Variants in HIBADH observed in about 807,000 individuals in gnomAD.
The protein encoded by HIBADH is 3-hydroxyisobutyrate dehydrogenase, mitochondrial.
Under a neutral mutation model 36.1 loss-of-function variants are expected in HIBADH, and 25 were observed. The ratio of observed to expected loss-of-function variants is 0.69; its 90% CI spans 0.50 to 0.97. The LOEUF (loss-of-function observed/expected upper bound fraction) is 0.97, where lower values mean the gene tolerates loss of function less well. HIBADH is among the 50% of genes least tolerant of loss of function. The pLI is 0.00. For synonymous variants in HIBADH, 160 were observed against 149.5 expected, an observed-to-expected ratio of 1.07 and a Z score of -0.51; for missense variants, 421 against 418.0, an observed-to-expected ratio of 1.01 and a Z score of -0.06.
intron 4 of HIBADH, among the ~76,000 whole-genome samples, chr7:27,581,451 C>T (rs936206544): frequency 1.3e-5 from 2 of 152,122 alleles, no homozygotes; most frequent in Non-Finnish European, 2.9e-5. Context: ...ACAGGTACTG[C>T]CATCAACTAT....
chr7:27,585,616 G>A (rs990667615), intron 4 of HIBADH, among the ~76,000 whole-genome samples: 1 of 152,042 alleles, frequency 6.6e-6, no homozygotes, highest in Admixed American at 6.5e-5. Context: ...AAATAATTAG[G>A]AAAAGAATGA....
At chr7:27,651,152 C>T (rs1442493357) in intron 1 of HIBADH, among the ~76,000 whole-genome samples, 1 of 152,196 alleles carries the variant, frequency 6.6e-6, no homozygotes, top group East Asian at 1.9e-4. Flanking sequence ...ACTTAATCTG[C>T]TCTTCCCTGA....
chr7:27,618,657 C>G (rs989559708), intron 4 of HIBADH, among the ~76,000 whole-genome samples: 3 of 151,452 alleles, frequency 2.0e-5, no homozygotes, highest in African/African-American at 7.3e-5. Flanking sequence ...TCTTGCATTG[C>G]TATAAAGAAA....
chr7:27,592,491 T>C lies in HIBADH; in HGVS notation c.484+36880A>G, dbSNP rs1209557187. 2.0e-5 allele frequency among the ~76,000 whole-genome samples: 3 copies of C among 152,206 alleles called. No homozygotes were observed. The East Asian group carries it at 5.8e-4, about 29-fold the overall frequency. On this transcript the variant is annotated intron_variant, in intron 4 of 7. Coordinates refer to ENST00000265395, the MANE Select transcript of HIBADH (RefSeq NM_152740.4). ...TAAAACAAAAAGTACTCAGACCAAC[T>C]TGGTTATTTTTTATCCCAAAAGCCA...
chr7:27,536,217 A>G (rs1784067999), intron 6 of HIBADH, among the ~76,000 whole-genome samples: 2 of 152,138 alleles, frequency 1.3e-5, no homozygotes, highest in South Asian at 4.1e-4. Context: ...AGAAGCATTC[A>G]TTTTTAGGGT....
At chr7:27,593,366 C>G (rs1334136809) in intron 4 of HIBADH, among the ~76,000 whole-genome samples, 1 of 152,166 alleles carries the variant, frequency 6.6e-6, no homozygotes, top group African/African-American at 2.4e-5. Flanking sequence ...TATCAGTTCC[C>G]CCAGACTGTA....
chr7:27,586,657 G>A (rs1226883089), intron 4 of HIBADH, among the ~76,000 whole-genome samples: 1 of 151,410 alleles, frequency 6.6e-6, no homozygotes, highest in Non-Finnish European at 1.5e-5. Flanking sequence ...GAAGAAAAAG[G>A]AGGAGGAGGA....
At chr7:27,635,552 T>G (rs773811337) in intron 2 of HIBADH, among the ~76,000 whole-genome samples, 4 of 152,170 alleles carry the variant, frequency 2.6e-5, no homozygotes, top group African/African-American at 9.6e-5. Flanking sequence ...GGTTCCTATC[T>G]CCAAAGTAAA....
chr7:27,553,157 A>C (rs1784342472), intron 4 of HIBADH, among the ~76,000 whole-genome samples: 1 of 152,218 alleles, frequency 6.6e-6, no homozygotes, highest in South Asian at 2.1e-4. Flanking sequence ...GATTCTTCAA[A>C]ATAGAAAAGT....
At chr7:27,577,429 C>A (rs1372039054) in intron 4 of HIBADH, among the ~76,000 whole-genome samples, 2 of 152,082 alleles carry the variant, frequency 1.3e-5, no homozygotes, top group Non-Finnish European at 2.9e-5. Context: ...TCCCAAAGTG[C>A]TGGGATTACC....
intron 4 of HIBADH, among the ~76,000 whole-genome samples, chr7:27,574,298 G>C (rs1784672478): frequency 1.5e-5 from 1 of 65,134 alleles, no homozygotes; most frequent in African/African-American, 8.1e-5. Flanking sequence ...GATAGCAGGT[G>C]ATTTTTTTTT....
chr7:27,614,272 C>T (rs1354089590), intron 4 of HIBADH, among the ~76,000 whole-genome samples: 1 of 152,162 alleles, frequency 6.6e-6, no homozygotes, highest in Non-Finnish European at 1.5e-5. Context: ...CACAATGGCA[C>T]CTAATATTAC....
intron 2 of HIBADH, among the ~76,000 whole-genome samples, chr7:27,634,988 C>G (rs13231645): frequency 0.16 from 24,575 of 152,156 alleles, 2,154 homozygotes; most frequent in Middle Eastern, 0.2. Context: ...GGAAGAAATA[C>G]ACAACAGTAG....
intron 4 of HIBADH, among the ~76,000 whole-genome samples, chr7:27,578,032 CTGT>C: frequency 1.3e-5 from 2 of 152,152 alleles, no homozygotes; most frequent in East Asian, 1.9e-4. Flanking sequence ...TCACAGAATA[CTGT>C]TATTAGCATC....
intron 1 of HIBADH, among the ~76,000 whole-genome samples, chr7:27,660,655 A>C (rs988438119): frequency 6.8e-6 from 1 of 147,652 alleles, no homozygotes; most frequent in East Asian, 2.1e-4. Context: ...ACAGACAAAG[A>C]CTCCGAGGGA....
At chr7:27,635,890 T>G (rs1481347615) in intron 2 of HIBADH, among the ~76,000 whole-genome samples, 1 of 152,238 alleles carries the variant, frequency 6.6e-6, no homozygotes, top group Non-Finnish European at 1.5e-5. Context: ...CTACAGGAAA[T>G]TGGTTTCTGT....
At chr7:27,569,276 C>T (rs1480575219) in intron 4 of HIBADH, among the ~76,000 whole-genome samples, 1 of 152,134 alleles carries the variant, frequency 6.6e-6, no homozygotes, top group African/African-American at 2.4e-5. Context: ...AAAATCACTG[C>T]CTAATATAAA....
chr7:27,612,979 T>C (rs1052682403), intron 4 of HIBADH, among the ~76,000 whole-genome samples: 4 of 138,308 alleles, frequency 2.9e-5, no homozygotes, highest in African/African-American at 7.9e-5. Flanking sequence ...ATATATTATA[T>C]ATATATTTTA....
Position 27,648,345 on chromosome 7 carries a change from C to T in HIBADH, c.252+1128G>A, listed in dbSNP as rs918762616. Among the ~76,000 whole-genome samples, 3 of 152,164 alleles carry T rather than the reference C, an allele frequency of 2.0e-5. No homozygotes were observed. The East Asian group carries it at 5.8e-4, about 29-fold the overall frequency. On this transcript the variant is annotated intron_variant, in intron 2 of 7. Coordinates refer to ENST00000265395, the MANE Select transcript of HIBADH (RefSeq NM_152740.4). ...AGCCACAACACTACCCTGAAAAGTT[C>T]CAAAGTCATACTTCCATCCTCACAC...
Sources: gnomAD v4.1 joint callset for allele counts (sites outside exome capture counted in the v4.1 genomes callset) on GRCh38, gnomAD v4.1.1 for gene constraint, MANE v1.5 for transcripts, NCBI Gene and HGNC (gene_info 2026-07-23, HGNC 2026-07-21) for gene names.